NDUFA5: variants seen among roughly 807,000 people sequenced by gnomAD.
NDUFA5 encodes the protein NADH dehydrogenase [ubiquinone] 1 alpha subcomplex subunit 5.
A neutral mutation model predicts 19.8 loss-of-function variants in NDUFA5; 11 were observed. The ratio of observed to expected loss-of-function variants is 0.56; its 90% CI spans 0.35 to 0.92. The LOEUF is 0.92. Among genes scored for constraint, NDUFA5 ranks in the 40% least tolerant of loss-of-function variants. The probability of loss-of-function intolerance (pLI) is 0.01; values close to 1 mark genes in which losing one functional copy is unlikely to be tolerated. For synonymous variants in NDUFA5, 47 were observed against 46.8 expected, an observed-to-expected ratio of 1.00 and a Z score of -0.01; for missense variants, 109 against 134.2, an observed-to-expected ratio of 0.81 and a Z score of 0.93.
the NDUFA5 span, among the ~76,000 whole-genome samples, chr7:123,578,393 C>T: frequency 6.6e-6 from 1 of 151,854 alleles, no homozygotes; most frequent in African/African-American, 2.4e-5. Flanking sequence ...GCCTAAACAT[C>T]TGTCATTTTA....
At position 123,551,862 on chromosome 7, in the gene NDUFA5, TA is replaced by T. The variant is rs537060602; in HGVS notation, c.67-1277del. Among the ~76,000 whole-genome samples the T allele has an allele frequency of 2.6e-4, 40 of 152,316 alleles. No homozygotes were observed. In the South Asian group the frequency reaches 8.1e-3, roughly 31 times the overall value. On this transcript the variant is annotated intron_variant, in intron 2 of 4. Transcript: ENST00000355749. ...TTAATATAGCATTTTAATTAAGTTTTAATATGATCTAAAATTCAGGTTTTAA... is the reference window on the plus strand; with the variant it reads ...TTAATATAGCATTTTAATTAAGTTTTATATGATCTAAAATTCAGGTTTTAA...
At chr7:123,575,525 G>A in the NDUFA5 span, among the ~76,000 whole-genome samples, 7 of 151,848 alleles carry the variant, frequency 4.6e-5, no homozygotes, top group African/African-American at 1.7e-4. Context: ...TCAACATTCT[G>A]CTCAGTAATC....
chr7:123,578,541 T>C, the NDUFA5 span, among the ~76,000 whole-genome samples: 1 of 152,072 alleles, frequency 6.6e-6, no homozygotes, highest in Non-Finnish European at 1.5e-5. Context: ...GCTCAGTTAA[T>C]TTCAGGCATT....
chr7:123,550,373 G>C, intron 3 of NDUFA5, 97 bp downstream of exon 3: 1 of 732,106 alleles, frequency 1.4e-6, no homozygotes, highest in Non-Finnish European at 2.4e-6. Flanking sequence ...CAAGGAAGGA[G>C]AATAGAAGAA....
At chr7:123,582,930 C>G in the NDUFA5 span, among the ~76,000 whole-genome samples, 1 of 151,944 alleles carries the variant, frequency 6.6e-6, no homozygotes, top group Non-Finnish European at 1.5e-5. Flanking sequence ...AACTTGGTAC[C>G]ATGAAAGAAA....
rs1011047119 is a variant in NDUFA5, at chr7:123,537,246, A to G, written c.*4873T>C. 1 of 152,190 alleles carries G rather than the reference A, an allele frequency of 6.6e-6. No homozygotes were observed. The highest frequency in any genetic ancestry group is 2.4e-5 in the African/African-American group (1 of 41,452). The allele number at this position is 152,190 out of a possible 1,614,324, so 9.4% of individuals were successfully genotyped here. ...TCTTTTGATGTGCTTTTATTTTTACAAAGATGCCACCTAGTGGCTTGATAA... is the reference window on the plus strand; with the variant it reads ...TCTTTTGATGTGCTTTTATTTTTACGAAGATGCCACCTAGTGGCTTGATAA... On this transcript the variant is annotated 3_prime_UTR_variant, in exon 5 of 5. Transcript: ENST00000355749.
At chr7:123,595,382 T>C in the NDUFA5 span, among the ~76,000 whole-genome samples, 11 of 152,196 alleles carry the variant, frequency 7.2e-5, no homozygotes, top group African/African-American at 2.4e-4. Context: ...AACTTACATT[T>C]CATCTTCCTA....
chr7:123,590,926 G>A, the NDUFA5 span, among the ~76,000 whole-genome samples: 10 of 151,976 alleles, frequency 6.6e-5, no homozygotes, highest in South Asian at 6.2e-4. Context: ...TCTTCCTATC[G>A]ATGAGTATGG....
chr7:123,549,502 G>A (rs1038433099), intron 3 of NDUFA5, among the ~76,000 whole-genome samples: 10 of 152,180 alleles, frequency 6.6e-5, no homozygotes, highest in Admixed American at 5.2e-4. Flanking sequence ...GGCACCGGGT[G>A]CAGGTAGCTC....
the NDUFA5 span, among the ~76,000 whole-genome samples, chr7:123,576,480 G>A: frequency 6.6e-6 from 1 of 151,902 alleles, no homozygotes; most frequent in East Asian, 1.9e-4. Context: ...CTTTATATTT[G>A]TGCCATAGGA....
the NDUFA5 span, among the ~76,000 whole-genome samples, chr7:123,583,877 A>G: frequency 6.6e-6 from 1 of 151,918 alleles, no homozygotes; most frequent in African/African-American, 2.4e-5. Context: ...AAGTTTGCCA[A>G]ATCCAATGGT....
chr7:123,545,545 C>T lies in NDUFA5; in HGVS notation c.249+66G>A, dbSNP rs546938792. ...AAACAAGGAAATTTAGTTTTCCTTT[C>T]ATTCTAGAACGTCAGTTGTGTGTCT... is the stretch of plus-strand genomic sequence containing the variant. On this transcript the variant is annotated intron_variant, in intron 4 of 4. Coordinates refer to ENST00000355749, the MANE Select transcript of NDUFA5 (RefSeq NM_005000.5). The T allele has an allele frequency of 1.0e-4, 134 of 1,280,096 alleles. No individual in the cohort carries two copies. The South Asian group carries it at 1.5e-3, about 15-fold the overall frequency. 79.3% of individuals were successfully genotyped at this position (1,280,096 alleles called of 1,614,324 possible).
chr7:123,592,712 G>T, the NDUFA5 span, among the ~76,000 whole-genome samples: 1 of 152,064 alleles, frequency 6.6e-6, no homozygotes, highest in Non-Finnish European at 1.5e-5. Context: ...CAATTTTTTG[G>T]TCAATTTCGG....
At chr7:123,589,414 G>C in the NDUFA5 span, among the ~76,000 whole-genome samples, 8 of 151,586 alleles carry the variant, frequency 5.3e-5, no homozygotes, top group Admixed American at 5.3e-4. Flanking sequence ...GTGGTGTGCT[G>C]CACCCATCAA....
upstream of NDUFA5, chr7:123,557,961 A>C: frequency 1.7e-6 from 2 of 1,168,106 alleles, no homozygotes; most frequent in Non-Finnish European, 2.4e-6. Flanking sequence ...TAAAAGAGAA[A>C]AATTGACGCA....
the NDUFA5 span, among the ~76,000 whole-genome samples, chr7:123,587,719 T>G: frequency 6.6e-6 from 1 of 151,780 alleles, no homozygotes; most frequent in Non-Finnish European, 1.5e-5. Context: ...TTTCTATACC[T>G]AATTAGCTGA....
chr7:123,590,439 G>T, the NDUFA5 span, among the ~76,000 whole-genome samples: 2 of 152,218 alleles, frequency 1.3e-5, no homozygotes, highest in South Asian at 4.1e-4. Context: ...TTCTTCTAGG[G>T]CTTTTATGGT....
Position 123,540,166 on chromosome 7 carries a change from G to A in NDUFA5, c.*1953C>T, listed in dbSNP as rs1390607756. On this transcript the variant is annotated 3_prime_UTR_variant, in exon 5 of 5. Coordinates refer to ENST00000355749, the MANE Select transcript of NDUFA5 (RefSeq NM_005000.5). ...AAGATAATTTGTAGTATCACTCTTA[G>A]GGTTGTAGTGCAGGTTTAATGAGTG... is the stretch of plus-strand genomic sequence containing the variant. 6.6e-6 allele frequency: 1 copy of A among 152,100 alleles called. No homozygotes were observed. Among genetic ancestry groups the A allele is most frequent in the African/African-American group, 2.4e-5 (1 of 41,402 alleles). 9.4% of individuals were successfully genotyped at this position (152,100 alleles called of 1,614,324 possible).
At chr7:123,552,205 C>T (rs1294363408) in intron 2 of NDUFA5, among the ~76,000 whole-genome samples, 1 of 150,596 alleles carries the variant, frequency 6.6e-6, no homozygotes, top group Non-Finnish European at 1.5e-5. Flanking sequence ...GTGCAGTCCT[C>T]ACTATTCATA....
Sources: allele counts gnomAD v4.1 joint callset (sites outside exome capture counted in the v4.1 genomes callset), GRCh38; gene constraint gnomAD v4.1.1; transcripts MANE v1.5; gene names NCBI Gene and HGNC (gene_info 2026-07-23, HGNC 2026-07-21).